Variants in NGF observed in about 807,000 individuals in gnomAD.
NGF encodes the protein beta-nerve growth factor.
NGF carries 4 observed loss-of-function variants against 12.8 expected under a neutral mutation model. The ratio of observed to expected loss-of-function variants is 0.31; its 90% confidence interval spans 0.15 to 0.72. The LOEUF is 0.72. Ranked by LOEUF, NGF falls within the 30% of genes least tolerant of loss-of-function variation. The pLI is 0.69. For synonymous variants in NGF, 140 were observed against 130.0 expected, an observed-to-expected ratio of 1.08 and a Z score of -0.52; for missense variants, 283 against 330.8, an observed-to-expected ratio of 0.86 and a Z score of 1.12.
intron 1 of NGF, among the ~76,000 whole-genome samples, chr1:115,297,482 C>T (rs1441421487): frequency 6.6e-6 from 1 of 152,130 alleles, no homozygotes; most frequent in African/African-American, 2.4e-5. Flanking sequence ...CCTGGTAGAG[C>T]TAGAGGAGAG....
intron 1 of NGF, among the ~76,000 whole-genome samples, chr1:115,298,013 A>G (rs939046675): frequency 6.6e-6 from 1 of 152,234 alleles, no homozygotes; most frequent in Non-Finnish European, 1.5e-5. Context: ...ATTAAGAGAG[A>G]TTATCAATAA....
At position 115,286,601 on chromosome 1, in the gene NGF, C is replaced by T; in HGVS notation, c.195G>A (p.Gly65=). ...PAAAIAARVA[G]QTRNITVDPR... The stretch of plus-strand genomic sequence containing the variant: ...GGTCCACAGTAATGTTGCGGGTCTG[C>T]CCCGCCACGCGTGCAGCTATCGCCG... Residue 65 remains glycine (G), a synonymous_variant, in exon 3 of 3, where the codon GGG becomes GGA. Transcript: ENST00000369512. 1 of 1,614,186 alleles carries T rather than the reference C, an allele frequency of 6.2e-7. No homozygotes were observed. The highest frequency in any genetic ancestry group is 8.5e-7 in the Non-Finnish European group (1 of 1,180,042).
chr1:115,332,918 G>T (rs1654962531), intron 1 of NGF, among the ~76,000 whole-genome samples: 1 of 152,178 alleles, frequency 6.6e-6, no homozygotes, highest in South Asian at 2.1e-4. Context: ...CATATCCATA[G>T]TGATGAGGCA....
intron 1 of NGF, among the ~76,000 whole-genome samples, chr1:115,303,756 A>G (rs1308312850): frequency 6.6e-6 from 1 of 152,208 alleles, no homozygotes; most frequent in African/African-American, 2.4e-5. Context: ...AGAACTTTGG[A>G]GTCATGGAAG....
intron 1 of NGF, among the ~76,000 whole-genome samples, chr1:115,326,387 C>T (rs538327095): frequency 7.7e-4 from 117 of 152,192 alleles, no homozygotes; most frequent in Non-Finnish European, 1.4e-3. Flanking sequence ...GACAACCAAA[C>T]GATTGAGCAA....
At chr1:115,311,939 C>A (rs1208669966) in intron 1 of NGF, among the ~76,000 whole-genome samples, 1 of 152,140 alleles carries the variant, frequency 6.6e-6, no homozygotes, top group Non-Finnish European at 1.5e-5. Flanking sequence ...GTGGCTAACC[C>A]TAATCTGTAT....
At chr1:115,337,459 C>A (rs186452471) in intron 1 of NGF, among the ~76,000 whole-genome samples, 5 of 151,888 alleles carry the variant, frequency 3.3e-5, no homozygotes, top group Non-Finnish European at 5.9e-5. Context: ...CCCGCTTCTC[C>A]CACACCTGGC....
Position 115,285,987 on chromosome 1 carries a change from T to C in NGF, c.*83A>G. ...ACTATAAATTACCATGCAGTCCTTA[T>C]AATTTAAAATAATTTACAGGTTGAG... is the stretch of plus-strand genomic sequence containing the variant. On this transcript the variant is annotated 3_prime_UTR_variant, in exon 3 of 3. Coordinates refer to ENST00000369512, the MANE Select transcript of NGF (RefSeq NM_002506.3). 6.6e-7 allele frequency: 1 copy of C among 1,516,304 alleles called. No individual in the cohort carries two copies. Among genetic ancestry groups the C allele is most frequent in the Non-Finnish European group, 8.9e-7 (1 of 1,124,864 alleles). The allele number at this position is 1,516,304 out of a possible 1,614,324, so 93.9% of individuals were successfully genotyped here. A position where few individuals can be genotyped will look rare whatever the true frequency, so the allele number is the denominator to read the frequency against.
At chr1:115,306,394 G>A (rs1303190701) in intron 1 of NGF, among the ~76,000 whole-genome samples, 1 of 152,216 alleles carries the variant, frequency 6.6e-6, no homozygotes, top group Non-Finnish European at 1.5e-5. Context: ...AGCAGTGAGT[G>A]CTTCATATAA....
At chr1:115,332,598 G>A (rs926369684) in intron 1 of NGF, among the ~76,000 whole-genome samples, 9 of 152,176 alleles carry the variant, frequency 5.9e-5, no homozygotes, top group South Asian at 2.1e-4. Context: ...GCTCATGTTC[G>A]TTGGTGCCCC....
At chr1:115,309,893 C>T (rs1289784268) in intron 1 of NGF, among the ~76,000 whole-genome samples, 2 of 152,334 alleles carry the variant, frequency 1.3e-5, no homozygotes, top group East Asian at 3.9e-4. Context: ...TTTTAACCTA[C>T]TAATCTCACT....
intron 1 of NGF, among the ~76,000 whole-genome samples, chr1:115,326,164 G>A (rs758928066): frequency 1.3e-5 from 2 of 152,082 alleles, no homozygotes; most frequent in South Asian, 4.1e-4. Flanking sequence ...AGAGAATAAG[G>A]AGAAGCCAGC....
chr1:115,327,318 C>A (rs1168620869), intron 1 of NGF, among the ~76,000 whole-genome samples: 1 of 152,168 alleles, frequency 6.6e-6, no homozygotes, highest in Non-Finnish European at 1.5e-5. Flanking sequence ...TTATGAAGCT[C>A]TCTGCTTTCT....
At chr1:115,323,199 A>G (rs1017474238) in intron 1 of NGF, among the ~76,000 whole-genome samples, 1 of 152,156 alleles carries the variant, frequency 6.6e-6, no homozygotes, top group Admixed American at 6.5e-5. Context: ...TCTAACTGAG[A>G]GAACTTGACA....
intron 1 of NGF, among the ~76,000 whole-genome samples, chr1:115,297,643 G>A (rs1275118400): frequency 2.0e-5 from 3 of 152,170 alleles, no homozygotes; most frequent in African/African-American, 4.8e-5. Flanking sequence ...GGACTAATGG[G>A]CCTTAGCCAC....
At chr1:115,337,267 G>GTTTGT in intron 1 of NGF, among the ~76,000 whole-genome samples, 13 of 81,026 alleles carry the variant, frequency 1.6e-4, no homozygotes, top group South Asian at 4.0e-4. Context: ...TTTTGTTTTT[G>GTTTGT]TTTTTTTTTT....
chr1:115,303,243 C>T (rs575165348), intron 1 of NGF, among the ~76,000 whole-genome samples: 14 of 152,274 alleles, frequency 9.2e-5, no homozygotes, highest in African/African-American at 3.4e-4. Context: ...GCTCTCTGTG[C>T]ACCTGTGTTC....
chr1:115,333,850 TCTTTC>T (rs915994682), intron 1 of NGF, among the ~76,000 whole-genome samples: 1 of 151,858 alleles, frequency 6.6e-6, no homozygotes, highest in African/African-American at 2.4e-5. Flanking sequence ...TCTTTTCTTT[TCTTTC>T]TTTTTTTTCC....
chr1:115,314,129 A>T (rs187658641), intron 1 of NGF, among the ~76,000 whole-genome samples: 1 of 152,330 alleles, frequency 6.6e-6, no homozygotes, highest in East Asian at 1.9e-4. Flanking sequence ...AGTGTAGCAG[A>T]AATAAACAGG....
Sources: allele counts gnomAD v4.1 joint callset (sites outside exome capture counted in the v4.1 genomes callset), GRCh38; gene constraint gnomAD v4.1.1; transcripts MANE v1.5; gene names NCBI Gene and HGNC (gene_info 2026-07-23, HGNC 2026-07-21).